PKD2: variants seen among roughly 807,000 people sequenced by gnomAD.
PKD2 encodes polycystin 2, transient receptor potential cation channel, also known as polycystin-2.
A neutral mutation model predicts 105.9 loss-of-function variants in PKD2; 48 were observed. The ratio of observed to expected loss-of-function variants is 0.45; its 90% confidence interval spans 0.36 to 0.58. The LOEUF (loss-of-function observed/expected upper bound fraction) is 0.58. Ranked by LOEUF, PKD2 falls within the 20% of genes least tolerant of loss-of-function variation. The pLI, the probability that PKD2 is intolerant of heterozygous loss-of-function variation, is 0.00. For missense variants in PKD2, 1,078 were observed against 1,255.3 expected (o/e 0.86, Z 2.13); for synonymous variants, 464 against 481.1 (o/e 0.96, Z 0.46).
chr4:88,019,657 C>T, intron 2 of PKD2, 86 bp downstream of exon 2: 2 of 777,084 alleles, frequency 2.6e-6, no homozygotes, highest in Non-Finnish European at 4.6e-6. Flanking sequence ...AGTGTGTATG[C>T]ACCAGAGGGG....
intron 10 of PKD2, among the ~76,000 whole-genome samples, chr4:88,064,387 T>C (rs1207592275): frequency 6.6e-6 from 1 of 152,236 alleles, no homozygotes; most frequent in African/African-American, 2.4e-5. Flanking sequence ...GTGTATTAAA[T>C]CAATATTAGT....
At chr4:88,052,559 C>T (rs367947473) in intron 7 of PKD2, among the ~76,000 whole-genome samples, 3 of 152,130 alleles carry the variant, frequency 2.0e-5, no homozygotes, top group South Asian at 2.1e-4. Flanking sequence ...CATGAGCCAC[C>T]GTGCCAGGCC....
At chr4:88,011,168 T>C (rs1217341882) in intron 1 of PKD2, among the ~76,000 whole-genome samples, 1 of 152,206 alleles carries the variant, frequency 6.6e-6, no homozygotes, top group African/African-American at 2.4e-5. Flanking sequence ...CTCAAGTATT[T>C]GTTTATTCTT....
Position 88,019,327 on chromosome 4 carries a change from A to G in PKD2, c.596-131A>G, listed in dbSNP as rs141245749. 2.0e-3 allele frequency: 1,285 copies of G among 628,378 alleles called. 17 individuals carry two copies. The African/African-American group carries it at 0.021, about 10-fold the overall frequency. 38.9% of individuals were successfully genotyped at this position (628,378 alleles called of 1,614,324 possible). ...GTTTCTCAGTTGCATTCAAAATGTG[A>G]TTAAAAAAAAAAAAAGGAGAATCTC... On this transcript the variant is annotated intron_variant, in intron 1 of 14. Coordinates refer to ENST00000237596, the MANE Select transcript of PKD2 (RefSeq NM_000297.4).
At chr4:88,068,532 T>C (rs557334201) in intron 13 of PKD2, among the ~76,000 whole-genome samples, 4 of 152,272 alleles carry the variant, frequency 2.6e-5, no homozygotes, top group South Asian at 4.1e-4. Context: ...CTATAAAAAT[T>C]AGCAAATAAG....
intron 1 of PKD2, among the ~76,000 whole-genome samples, chr4:88,013,885 C>T (rs572535129): frequency 5.9e-5 from 9 of 152,262 alleles, no homozygotes; most frequent in Admixed American, 5.9e-4. Flanking sequence ...ATGGAATGGG[C>T]ACGTTTTCCT....
chr4:88,073,069 G>A (rs6532047), intron 13 of PKD2, among the ~76,000 whole-genome samples: 4,084 of 149,748 alleles, frequency 0.027, 84 homozygotes, highest in African/African-American at 0.049. Flanking sequence ...GGAACATTGA[G>A]GCTGGGCATG....
At chr4:88,019,405 G>T in intron 1 of PKD2, 53 bp from the exon 2 acceptor site, 1 of 921,652 alleles carries the variant, frequency 1.1e-6, no homozygotes, top group Non-Finnish European at 1.8e-6. Context: ...TGCCATTCAT[G>T]AGATTTCTTA....
chr4:88,027,345 G>T (rs1428800830), intron 2 of PKD2, among the ~76,000 whole-genome samples: 1 of 152,230 alleles, frequency 6.6e-6, no homozygotes. Flanking sequence ...GGAGATCTAA[G>T]ATTTAATGAA....
At chr4:88,023,174 G>A (rs1726823870) in intron 2 of PKD2, among the ~76,000 whole-genome samples, 1 of 152,136 alleles carries the variant, frequency 6.6e-6, no homozygotes, top group Non-Finnish European at 1.5e-5. Flanking sequence ...TCATGGTTCT[G>A]CAGGCTGTAA....
rs1721275516 is a variant in PKD2 at position 88,077,596 on chromosome 4, C to A, written c.*1902C>A. On this transcript the variant is annotated 3_prime_UTR_variant, in exon 15 of 15. Transcript: ENST00000237596. ...ATTCCTCCTTTCTACCCATAAATTACATATATTTTTCTTCTTTAGTCATGG... is the reference window on the plus strand; with the variant it reads ...ATTCCTCCTTTCTACCCATAAATTAAATATATTTTTCTTCTTTAGTCATGG... The A allele has an allele frequency of 6.6e-6, 1 of 152,468 alleles. No individual in the cohort carries two copies. The highest frequency in any genetic ancestry group is 1.9e-4 in the East Asian group (1 of 5,196). 9.4% of individuals were successfully genotyped at this position (152,468 alleles called of 1,614,324 possible). A position where few individuals can be genotyped will look rare whatever the true frequency, so the allele number is the denominator to read the frequency against.
In PKD2 at chr4:88,051,987, T is replaced by C. The variant is rs374450718; in HGVS notation, c.1549-4T>C. On this transcript the variant is annotated splice_polypyrimidine_tract_variant and splice_region_variant and intron_variant, in intron 6 of 14. Transcript: ENST00000237596. Reference sequence around the variant, plus strand: ...TAATAAAATATAAATATTTTGCTTTTCAGCTGTCAGTGGTAGCTATAGGAA... The same window carrying C: ...TAATAAAATATAAATATTTTGCTTTCCAGCTGTCAGTGGTAGCTATAGGAA... 126 of 1,542,002 alleles carry C rather than the reference T, an allele frequency of 8.2e-5. No homozygotes were observed. Among genetic ancestry groups the C allele is most frequent in the Non-Finnish European group, 1.1e-4 (124 of 1,115,458 alleles).
chr4:88,047,063 A>G (rs186372712), intron 6 of PKD2, among the ~76,000 whole-genome samples, 193 bp downstream of exon 6: 1 of 152,252 alleles, frequency 6.6e-6, no homozygotes, highest in East Asian at 1.9e-4. Flanking sequence ...TGAAGTGGAG[A>G]GGTATTTACA....
intron 2 of PKD2, among the ~76,000 whole-genome samples, chr4:88,027,215 C>T (rs1362283366): frequency 6.6e-6 from 1 of 152,206 alleles, no homozygotes; most frequent in Admixed American, 6.5e-5. Flanking sequence ...GCACTCAATG[C>T]CAGCCTGTGA....
At chr4:88,025,119 G>A (rs1228667617) in intron 2 of PKD2, among the ~76,000 whole-genome samples, 1 of 150,392 alleles carries the variant, frequency 6.6e-6, no homozygotes, top group Non-Finnish European at 1.5e-5. Flanking sequence ...CAGCCTGGGC[G>A]ACAGAACGAG....
intron 2 of PKD2, among the ~76,000 whole-genome samples, chr4:88,019,911 GCGTT>G (rs2110089592): frequency 6.6e-6 from 1 of 152,274 alleles, no homozygotes; most frequent in African/African-American, 2.4e-5. Flanking sequence ...CTGTGGACTT[GCGTT>G]TAACACAGGA....
chr4:88,052,209 A>C, intron 7 of PKD2, 51 bp downstream of exon 7: 1 of 1,171,620 alleles, frequency 8.5e-7, no homozygotes, highest in Non-Finnish European at 1.3e-6. Context: ...TTCTTTAAAA[A>C]AAATGAGTTC....
At chr4:88,047,220 A>G (rs1341135478) in intron 6 of PKD2, among the ~76,000 whole-genome samples, 1 of 152,056 alleles carries the variant, frequency 6.6e-6, no homozygotes, top group Non-Finnish European at 1.5e-5. Flanking sequence ...GCTGGTAAAA[A>G]TCAATTTATA....
At chr4:88,042,438 G>A (rs1443430542) in intron 4 of PKD2, among the ~76,000 whole-genome samples, 1 of 152,180 alleles carries the variant, frequency 6.6e-6, no homozygotes, top group Non-Finnish European at 1.5e-5. Flanking sequence ...CATGGGAATT[G>A]TGGGAGTTAC....
Sources: allele counts gnomAD v4.1 joint callset (sites outside exome capture counted in the v4.1 genomes callset), GRCh38; gene constraint gnomAD v4.1.1; transcripts MANE v1.5; gene names NCBI Gene and HGNC (gene_info 2026-07-23, HGNC 2026-07-21).